Variants in UVSSA observed in about 807,000 individuals in gnomAD.
The protein encoded by UVSSA is UV-stimulated scaffold protein A.
Under a neutral mutation model 73.9 loss-of-function variants are expected in UVSSA, and 72 were observed. The observed-to-expected ratio is 0.97, with a 90% CI of 0.81 to 1.19. UVSSA has a LOEUF of 1.19. Ranked by LOEUF, UVSSA falls within the 50% of genes most tolerant of loss-of-function variation. The pLI, the probability that UVSSA is intolerant of heterozygous loss-of-function variation, is 0.00. For synonymous variants in UVSSA, 454 were observed against 391.3 expected (o/e 1.16, Z -1.89); for missense variants, 1,150 against 965.0 (o/e 1.19, Z -2.54).
At chr4:1,360,773 C>T (rs1359235899) in intron 7 of UVSSA, among the ~76,000 whole-genome samples, 4 of 152,198 alleles carry the variant, frequency 2.6e-5, no homozygotes, top group East Asian at 1.9e-4. Context: ...CCGCAGAGCT[C>T]GGGGGCAGGA....
intron 3 of UVSSA, among the ~76,000 whole-genome samples, chr4:1,350,780 A>AC (rs1350814723): frequency 6.6e-6 from 1 of 151,860 alleles, no homozygotes; most frequent in African/African-American, 2.4e-5. Context: ...AAAAAAAAAA[A>AC]AAACTACTGT....
At chr4:1,355,353 A>G in intron 7 of UVSSA, 108 bp downstream of exon 7, 1 of 1,166,276 alleles carries the variant, frequency 8.6e-7, no homozygotes, top group Non-Finnish European at 1.2e-6. Context: ...GACCCCAGCC[A>G]CACCCCAAGC....
chr4:1,356,203 T>TG (rs1715716181), intron 7 of UVSSA, among the ~76,000 whole-genome samples: 2 of 151,758 alleles, frequency 1.3e-5, no homozygotes, highest in African/African-American at 4.8e-5. Context: ...AGGAAAGCTT[T>TG]GGGGTGGAAG....
chr4:1,350,447 C>T (rs1243934463), intron 3 of UVSSA, among the ~76,000 whole-genome samples: 1 of 152,214 alleles, frequency 6.6e-6, no homozygotes, highest in Admixed American at 6.5e-5. Flanking sequence ...TCCCAGGGTT[C>T]ATGCTCAGGG....
In UVSSA at chr4:1,353,392, C is replaced by G; in HGVS notation, c.913C>G (p.Leu305Val). 3 of 1,581,916 alleles carry G rather than the reference C, an allele frequency of 1.9e-6. No individual in the cohort carries two copies. The highest frequency in any genetic ancestry group is 2.6e-6 in the Non-Finnish European group (3 of 1,163,792). Residue 305 changes from leucine to valine, a missense_variant, in exon 5 of 14, where the codon CTG becomes GTG. Physicochemically the swap from Leu to Val is conservative, Grantham distance 32. Transcript: ENST00000389851. ...CGGGCTGGGCTCGCACAAGTACACG[C>G]TGGATGTGGAGCTCTGCTCAGGTAA... ...SHGLGSHKYT[L>V]DVELCSEGLK...
At chr4:1,348,373 C>T (rs570689863) in intron 2 of UVSSA, among the ~76,000 whole-genome samples, 184 bp downstream of exon 2, 3 of 152,346 alleles carry the variant, frequency 2.0e-5, no homozygotes, top group South Asian at 4.1e-4. Flanking sequence ...GGGCGTGTGG[C>T]GTTGGGGACC....
At chr4:1,395,768 C>G (rs550303044) in exon 14 of UVSSA, 1 of 1,614,230 alleles carries the variant, frequency 6.2e-7, no homozygotes, top group Admixed American at 1.7e-5. Context: ...ACGCTGTTAC[C>G]GTACATTCTA....
At chr4:1,371,484 T>G (rs930059175) in intron 8 of UVSSA, among the ~76,000 whole-genome samples, 3 of 152,150 alleles carry the variant, frequency 2.0e-5, no homozygotes, top group African/African-American at 7.2e-5. Flanking sequence ...AGGGACTTCT[T>G]GCATAGTGTA....
At chr4:1,357,178 C>G (rs12648506) in intron 7 of UVSSA, among the ~76,000 whole-genome samples, 55 of 143,972 alleles carry the variant, frequency 3.8e-4, no homozygotes, top group Non-Finnish European at 5.7e-4. Context: ...TAGAGCAGAG[C>G]GGGGCTGATG....
intron 8 of UVSSA, 114 bp from the exon 9 acceptor site, chr4:1,375,250 T>A (rs576407925): frequency 2.4e-5 from 37 of 1,514,824 alleles, no homozygotes; most frequent in Non-Finnish European, 3.1e-5. Flanking sequence ...ACCTCGGGAC[T>A]GTTGGAAGAT....
chr4:1,379,507 C>T (rs1367035408), intron 10 of UVSSA, among the ~76,000 whole-genome samples: 1 of 152,228 alleles, frequency 6.6e-6, no homozygotes, highest in African/African-American at 2.4e-5. Flanking sequence ...CCTGGGACGC[C>T]TGGGGCAGTG....
At chr4:1,367,566 C>T (rs1039731155) in intron 8 of UVSSA, among the ~76,000 whole-genome samples, 3 of 152,082 alleles carry the variant, frequency 2.0e-5, no homozygotes, top group Admixed American at 1.3e-4. Flanking sequence ...GCCCTGGGGC[C>T]GCCCAGGGAG....
rs192095221 is a variant in UVSSA at position 1,369,290 on chromosome 4, G to A, written c.1288+2859G>A. Among the ~76,000 whole-genome samples, 12 of 152,362 alleles carry A rather than the reference G, an allele frequency of 7.9e-5. No homozygotes were observed. The East Asian group carries it at 2.1e-3, about 27-fold the overall frequency. On this transcript the variant is annotated intron_variant, in intron 8 of 13. Transcript: ENST00000389851. ...GGCCCAAAGGAGGGGGCAGGCCCTG[G>A]TGACAGAGCTGCCCTCTGGGGTGCG...
chr4:1,358,854 T>A (rs185718802), intron 7 of UVSSA, among the ~76,000 whole-genome samples: 3 of 152,356 alleles, frequency 2.0e-5, no homozygotes, highest in Non-Finnish European at 1.5e-5. Context: ...GCACGCTAAT[T>A]CAGTCATGCC....
At position 1,375,428 on chromosome 4, in the gene UVSSA, CGAG is replaced by C. The variant is rs566471987; in HGVS notation, c.1358_1360del (p.Glu453del). 1.6e-4 allele frequency: 259 copies of C among 1,613,442 alleles called. 4 individuals are homozygous for C. In the South Asian group the frequency reaches 2.6e-3, roughly 16 times the overall value. ...GCTTGCGGACGAGGACGAGGATGGA[CGAG>C]GAGGTGTCGGACCCCACCTCTGCGG... On this transcript the variant is annotated inframe_deletion, in exon 9 of 14. Coordinates refer to ENST00000389851, the MANE Select transcript of UVSSA (RefSeq NM_020894.4).
chr4:1,382,129 T>C (rs1719581758), intron 12 of UVSSA, among the ~76,000 whole-genome samples: 1 of 152,192 alleles, frequency 6.6e-6, no homozygotes, highest in African/African-American at 2.4e-5. Flanking sequence ...AGATGTTGAG[T>C]GCAGCCTGAT....
intron 2 of UVSSA, among the ~76,000 whole-genome samples, chr4:1,348,818 C>A (rs1483592180): frequency 6.6e-6 from 1 of 152,216 alleles, no homozygotes; most frequent in Non-Finnish European, 1.5e-5. Context: ...GCCAGGAAAT[C>A]GAATTCGCAA....
chr4:1,345,976 G>A (rs938187661), upstream of UVSSA, among the ~76,000 whole-genome samples: 1 of 152,142 alleles, frequency 6.6e-6, no homozygotes, highest in Non-Finnish European at 1.5e-5. Flanking sequence ...GGGGCGCTGA[G>A]GGAGGGTCTG....
intron 8 of UVSSA, among the ~76,000 whole-genome samples, chr4:1,370,024 G>A (rs972252307): frequency 6.6e-6 from 1 of 152,240 alleles, no homozygotes. Context: ...AAGTATGTCA[G>A]AGAGATTGAT....
Sources: allele counts gnomAD v4.1 joint callset (sites outside exome capture counted in the v4.1 genomes callset), GRCh38; gene constraint gnomAD v4.1.1; transcripts MANE v1.5; gene names NCBI Gene and HGNC (gene_info 2026-07-23, HGNC 2026-07-21).